The following FAM184A variants were observed in gnomAD, a reference collection of about 807,000 sequenced individuals.
FAM184A encodes the protein family with sequence similarity 184 member A.
A neutral mutation model predicts 143.8 loss-of-function variants in FAM184A; 99 were observed. That is an observed-to-expected ratio of 0.69 (90% CI 0.58 to 0.81). FAM184A has a LOEUF of 0.81. FAM184A is among the 40% of genes least tolerant of loss of function. FAM184A has a pLI of 0.00. For missense variants in FAM184A, 1,217 were observed against 1,310.5 expected, an observed-to-expected ratio of 0.93 and a Z score of 1.10; for synonymous variants, 427 against 446.4, an observed-to-expected ratio of 0.96 and a Z score of 0.55.
chr6:119,007,131 G>C (rs1784945146), intron 6 of FAM184A, among the ~76,000 whole-genome samples: 1 of 152,098 alleles, frequency 6.6e-6, no homozygotes, highest in South Asian at 2.1e-4. Context: ...AAATCTTTAA[G>C]AGTTGAATTT....
chr6:119,041,939 G>A (rs772498409), intron 1 of FAM184A, among the ~76,000 whole-genome samples: 5 of 152,236 alleles, frequency 3.3e-5, no homozygotes, highest in Admixed American at 2.0e-4. Context: ...CTTGGAATCC[G>A]TGAGGCTAAG....
At chr6:118,991,831 C>T (rs1456180388) in intron 9 of FAM184A, among the ~76,000 whole-genome samples, 4 of 124,772 alleles carry the variant, frequency 3.2e-5, no homozygotes, top group Non-Finnish European at 4.8e-5. Context: ...GGTATGATCT[C>T]GGCTCTCTGC....
intron 1 of FAM184A, among the ~76,000 whole-genome samples, chr6:119,060,088 C>A (rs551434809): frequency 6.6e-6 from 1 of 152,222 alleles, no homozygotes; most frequent in South Asian, 2.1e-4. Flanking sequence ...TTAGTCACTT[C>A]GAGATTAAAG....
chr6:119,080,877 T>C (rs1788042460), upstream of FAM184A, among the ~76,000 whole-genome samples: 1 of 152,196 alleles, frequency 6.6e-6, no homozygotes, highest in South Asian at 2.1e-4. Flanking sequence ...GAGGTTGAAT[T>C]GGCTCACAGT....
chr6:119,018,831 A>T (rs1490729669), intron 4 of FAM184A, among the ~76,000 whole-genome samples: 1 of 152,148 alleles, frequency 6.6e-6, no homozygotes, highest in Non-Finnish European at 1.5e-5. Flanking sequence ...TCTGTAACAG[A>T]TAAAGGGGCT....
chr6:118,999,726 C>T (rs1310349016), intron 9 of FAM184A, among the ~76,000 whole-genome samples: 2 of 152,076 alleles, frequency 1.3e-5, no homozygotes, highest in Non-Finnish European at 2.9e-5. Context: ...AGCAATGACC[C>T]GATTTGTAGC....
intron 12 of FAM184A, 116 bp from the exon 13 acceptor site, chr6:118,975,324 TC>T: frequency 1.3e-6 from 1 of 753,330 alleles, no homozygotes; most frequent in Non-Finnish European, 2.1e-6. Flanking sequence ...TGACATTGCT[TC>T]TTCAAAAGCA....
chr6:119,078,048 T>C lies in FAM184A; in HGVS notation c.159+93A>G. The C allele has an allele frequency of 1.4e-6, 2 of 1,419,304 alleles. No homozygotes were observed. Among genetic ancestry groups the C allele is most frequent in the South Asian group, 1.3e-5 (1 of 75,370 alleles). The allele number at this position is 1,419,304 out of a possible 1,614,324, so 87.9% of individuals were successfully genotyped here. A position where few individuals can be genotyped will look rare whatever the true frequency, so the allele number is the denominator to read the frequency against. The stretch of plus-strand genomic sequence containing the variant: ...GGCGGAGGAGTAGAGTTCCCCTCGC[T>C]GCGGGCGCAGGGCGCACTGCCTCCC... On this transcript the variant is annotated intron_variant, in intron 1 of 17. Transcript: ENST00000338891. This position sits in a 1 kb window ranked among gnomAD's most constrained non-coding sequence, Gnocchi z 5.5.
chr6:118,975,975 T>G lies in FAM184A; in HGVS notation c.2525A>C (p.Gln842Pro). The G allele has an allele frequency of 6.2e-7, 1 of 1,613,622 alleles. No homozygotes were observed. Residue 842 changes from glutamine (Q) to proline (P), a missense_variant, in exon 12 of 18, where the codon CAA becomes CCA. Physicochemically the swap from Gln to Pro is moderately conservative, Grantham distance 76. Coordinates refer to ENST00000338891, the MANE Select transcript of FAM184A (RefSeq NM_024581.6). Reference protein sequence around the residue: ...AIDLLRHNHHQELAAAKMELE... With the variant: ...AIDLLRHNHHPELAAAKMELE... The stretch of plus-strand genomic sequence containing the variant: ...TTCCATTTTAGCAGCTGCCAATTCT[T>G]GATGATGATTATGCCGTAACAAATC...
In FAM184A at chr6:118,980,120, A is replaced by G; in HGVS notation, c.2301+18T>C. 6.2e-7 allele frequency: 1 copy of G among 1,603,150 alleles called. No homozygotes were observed. Among genetic ancestry groups the G allele is most frequent in the Non-Finnish European group, 8.5e-7 (1 of 1,170,356 alleles). Reference sequence around the variant, plus strand: ...AGGCAGTTGGGTTACATTTGAACGTATGTCACATAAAACTTACTCTTTGCT... The same window carrying G: ...AGGCAGTTGGGTTACATTTGAACGTGTGTCACATAAAACTTACTCTTTGCT... On this transcript the variant is annotated intron_variant, in intron 10 of 17. Transcript: ENST00000338891.
chr6:119,023,460 G>A (rs1489812053), intron 2 of FAM184A, among the ~76,000 whole-genome samples: 3 of 151,504 alleles, frequency 2.0e-5, no homozygotes, highest in Non-Finnish European at 2.9e-5. Flanking sequence ...TCAGCTAGCA[G>A]GCAAACCATT....
chr6:119,101,319 G>A (rs111454283), intron 1 of FAM184A, among the ~76,000 whole-genome samples: 5,535 of 151,890 alleles, frequency 0.036, 157 homozygotes, highest in African/African-American at 0.074. Context: ...TGATCCGCCC[G>A]CCTCGGCCTC....
chr6:119,040,832 T>A (rs1334921), intron 1 of FAM184A, among the ~76,000 whole-genome samples: 4,151 of 152,246 alleles, frequency 0.027, 219 homozygotes, highest in African/African-American at 0.094. Context: ...GCTTTTTAAG[T>A]TAGCACCACT....
In FAM184A at chr6:118,975,152, C is replaced by T. The variant is rs1469310496; in HGVS notation, c.2640G>A (p.Glu880=). 3 of 1,611,642 alleles carry T rather than the reference C, an allele frequency of 1.9e-6. No homozygotes were observed. Among genetic ancestry groups the T allele is most frequent in the Non-Finnish European group, 8.5e-7 (1 of 1,178,500 alleles). Residue 880 remains glutamate (E), a synonymous_variant, in exon 13 of 18, where the codon GAG becomes GAA. Coordinates refer to ENST00000338891, the MANE Select transcript of FAM184A (RefSeq NM_024581.6). ...CCTTATCCAATTCAGAGATGTGATG[C>T]TCTCTGTGTCTTAATTCCTCTTGTA... ...TDLQEELRHR[E]HHISELDKEV...
chr6:119,111,965 T>C (rs1008127178), intron 1 of FAM184A, among the ~76,000 whole-genome samples: 1 of 152,190 alleles, frequency 6.6e-6, no homozygotes, highest in Non-Finnish European at 1.5e-5. Flanking sequence ...TTTTAAAACA[T>C]AGCAAAGTAA....
At chr6:119,056,135 A>C (rs1033185067) in intron 1 of FAM184A, among the ~76,000 whole-genome samples, 7 of 152,258 alleles carry the variant, frequency 4.6e-5, no homozygotes, top group African/African-American at 1.7e-4. Context: ...GGGAAATGGA[A>C]AAGGAAAATC....
At chr6:119,085,675 A>C (rs980671847) in intron 1 of FAM184A, among the ~76,000 whole-genome samples, 12 of 152,248 alleles carry the variant, frequency 7.9e-5, no homozygotes, top group Non-Finnish European at 1.8e-4. Context: ...AATTTTCTGC[A>C]TTAGTCTATT....
chr6:118,974,642 C>T lies in FAM184A; in HGVS notation c.2769-68G>A, dbSNP rs116907716. The T allele has an allele frequency of 1.0e-2, 13,302 of 1,336,810 alleles. 96 individuals are homozygous for T. The highest frequency in any genetic ancestry group is 0.031 in the Middle Eastern group (157 of 5,066). The allele number at this position is 1,336,810 out of a possible 1,614,324, so 82.8% of individuals were successfully genotyped here. On this transcript the variant is annotated intron_variant, in intron 13 of 17. Coordinates refer to ENST00000338891, the MANE Select transcript of FAM184A (RefSeq NM_024581.6). Reference sequence around the variant, plus strand: ...CAAGCTTTCAAAACTTTCTATTATTCTACCAGATTTGAAATGGTTTTTGGT... The same window carrying T: ...CAAGCTTTCAAAACTTTCTATTATTTTACCAGATTTGAAATGGTTTTTGGT...
At chr6:119,004,385 C>T (rs902493957) in intron 7 of FAM184A, among the ~76,000 whole-genome samples, 7 of 152,112 alleles carry the variant, frequency 4.6e-5, no homozygotes, top group Non-Finnish European at 7.4e-5. Flanking sequence ...GAAGGGTATA[C>T]CCAGATTAAT....
Sources: allele counts gnomAD v4.1 joint callset (sites outside exome capture counted in the v4.1 genomes callset), GRCh38; gene constraint gnomAD v4.1.1; non-coding constraint Gnocchi (gnomAD v3.1); transcripts MANE v1.5; gene names NCBI Gene and HGNC (gene_info 2026-07-23, HGNC 2026-07-21).